SLIT1: variants seen among roughly 807,000 people sequenced by gnomAD.
The protein encoded by SLIT1 is slit homolog 1 protein.
SLIT1 carries 66 observed loss-of-function variants against 186.1 expected under a neutral mutation model. The observed-to-expected ratio is 0.35, with a 90% CI of 0.29 to 0.44. The LOEUF (loss-of-function observed/expected upper bound fraction) is 0.44, where lower values mean the gene tolerates loss of function less well. Among genes scored for constraint, SLIT1 ranks in the 20% least tolerant of loss-of-function variants. The pLI is 1.00. For missense variants in SLIT1, 1,638 were observed against 2,037.4 expected, an observed-to-expected ratio of 0.80 and a Z score of 3.77; for synonymous variants, 761 against 833.8, an observed-to-expected ratio of 0.91 and a Z score of 1.50.
At chr10:97,166,962 CTG>C (rs1349928319) in intron 1 of SLIT1, among the ~76,000 whole-genome samples, 1 of 152,190 alleles carries the variant, frequency 6.6e-6, no homozygotes. Flanking sequence ...CCAGGTCAGG[CTG>C]TCTCAACATT....
intron 13 of SLIT1, among the ~76,000 whole-genome samples, chr10:97,055,757 TCA>T (rs1350792959): frequency 6.6e-6 from 1 of 152,240 alleles, no homozygotes; most frequent in African/African-American, 2.4e-5. Context: ...ATTTTTTTAT[TCA>T]CAGTCACCAT....
In SLIT1 at chr10:97,185,619, C is replaced by A; in HGVS notation, c.56G>T (p.Trp19Leu). The A allele has an allele frequency of 6.4e-7, 1 of 1,560,928 alleles. No individual in the cohort carries two copies. The highest frequency in any genetic ancestry group is 1.2e-5 in the South Asian group (1 of 86,296). Residue 19 changes from tryptophan to leucine, a missense_variant, in exon 1 of 37, where the codon TGG (tryptophan) becomes TTG (leucine). Physicochemically the swap from Trp to Leu is moderately conservative, Grantham distance 61. Coordinates refer to ENST00000266058, the MANE Select transcript of SLIT1 (RefSeq NM_003061.3). ...CCACGCGGCTGCCCACAGCAGCAGC[C>A]AGAGCTCCGGCCGGACCGGCCCCGC... ...SSAGPVRPEL[W>L]LLLWAAAWRL...
chr10:97,066,460 C>A (rs970629750), intron 4 of SLIT1, among the ~76,000 whole-genome samples: 5 of 152,154 alleles, frequency 3.3e-5, no homozygotes, highest in African/African-American at 1.2e-4. Context: ...GAATGGTAAT[C>A]CCCAGTGCTG....
At position 97,164,863 on chromosome 10, in the gene SLIT1, C is replaced by A; in HGVS notation, c.225G>T (p.Arg75=). 6.2e-7 allele frequency: 1 copy of A among 1,613,700 alleles called. No homozygotes were observed. The highest frequency in any genetic ancestry group is 1.1e-5 in the South Asian group (1 of 91,052). ...RLELNGNNIT[R]IHKNDFAGLK... is the part of the protein sequence containing the mutation. Reference sequence around the variant, plus strand: ...GCCCCGCAAAGTCATTCTTATGGATCCGAGTGATGTTGTTGCCATTGAGTT... The same window carrying A: ...GCCCCGCAAAGTCATTCTTATGGATACGAGTGATGTTGTTGCCATTGAGTT... Residue 75 remains arginine, a synonymous_variant, in exon 2 of 37, where the codon CGG becomes CGT. Transcript: ENST00000266058.
chr10:97,037,947 G>A (rs1202880063), intron 21 of SLIT1, among the ~76,000 whole-genome samples, 181 bp from the exon 22 acceptor site: 1 of 152,020 alleles, frequency 6.6e-6, no homozygotes, highest in Non-Finnish European at 1.5e-5. Flanking sequence ...AAGCCATCTG[G>A]GGAGGTGCCA....
intron 4 of SLIT1, among the ~76,000 whole-genome samples, chr10:97,146,566 C>A (rs566934711): frequency 1.3e-5 from 2 of 151,646 alleles, no homozygotes; most frequent in Non-Finnish European, 2.9e-5. Flanking sequence ...CCAGCCCCCC[C>A]CACTGAACAC....
chr10:97,145,248 G>T (rs368675977), intron 4 of SLIT1, among the ~76,000 whole-genome samples: 1 of 152,098 alleles, frequency 6.6e-6, no homozygotes, highest in Non-Finnish European at 1.5e-5. Context: ...CTCCCAAGTA[G>T]CTAGGACTAC....
chr10:97,047,160 C>T lies in SLIT1; in HGVS notation c.1635-95G>A, dbSNP rs1377905861. On this transcript the variant is annotated intron_variant, in intron 16 of 36. Transcript: ENST00000266058. ...ATATTTGGGACTCAAACAGAGAAGA[C>T]TCCCAGAAGAATTTATCTGGCAAAG... 8.6e-6 allele frequency: 7 copies of T among 809,846 alleles called. No individual in the cohort carries two copies. In the Admixed American group the frequency reaches 1.3e-4, roughly 16 times the overall value. 50.2% of individuals were successfully genotyped at this position (809,846 alleles called of 1,614,324 possible). A position where few individuals can be genotyped will look rare whatever the true frequency, so the allele number is the denominator to read the frequency against.
At chr10:97,062,247 G>A (rs1332354071) in intron 8 of SLIT1, among the ~76,000 whole-genome samples, 2 of 151,488 alleles carry the variant, frequency 1.3e-5, no homozygotes, top group African/African-American at 4.9e-5. Context: ...ACACACAGCA[G>A]TGCAGAGCAC....
chr10:97,101,331 GAGC>G lies in SLIT1; in HGVS notation c.414-35248_414-35246del, dbSNP rs201558603. ...CTCACGCCCAGGACAACCTCTCGGG[GAGC>G]AGAAGGCTGTACTTACCTCTCCCCT... On this transcript the variant is annotated intron_variant, in intron 4 of 36. Coordinates refer to ENST00000266058, the MANE Select transcript of SLIT1 (RefSeq NM_003061.3). 45 of 152,332 alleles carry G rather than the reference GAGC, an allele frequency of 3.0e-4. No homozygotes were observed. The East Asian group carries it at 6.4e-3, about 22-fold the overall frequency. The allele number at this position is 152,332 out of a possible 1,614,324, so 9.4% of individuals were successfully genotyped here. A position where few individuals can be genotyped will look rare whatever the true frequency, so the allele number is the denominator to read the frequency against.
At chr10:97,018,304 C>T (rs188901563) in intron 28 of SLIT1, among the ~76,000 whole-genome samples, 211 of 152,382 alleles carry the variant, frequency 1.4e-3, no homozygotes, top group Non-Finnish European at 1.8e-3. Flanking sequence ...GCAGAGCCCA[C>T]TCCAAGCCCT....
chr10:97,139,549 C>A (rs875483), intron 4 of SLIT1, among the ~76,000 whole-genome samples: 73,738 of 151,582 alleles, frequency 0.49, 20,411 homozygotes, highest in South Asian at 0.64. Context: ...GGTACCAAAA[C>A]CCCTGTCAAC....
chr10:97,120,833 C>G (rs543079134), intron 4 of SLIT1, among the ~76,000 whole-genome samples: 12 of 152,366 alleles, frequency 7.9e-5, no homozygotes, highest in African/African-American at 2.6e-4. Flanking sequence ...CTCTGACTCT[C>G]TCTCCCTACC....
chr10:97,020,392 TA>T (rs1268381830), intron 26 of SLIT1, among the ~76,000 whole-genome samples: 1 of 152,128 alleles, frequency 6.6e-6, no homozygotes, highest in Non-Finnish European at 1.5e-5. Context: ...TCGATAAAAA[TA>T]ATAAAACAAA....
chr10:97,031,746 C>A, intron 23 of SLIT1, 69 bp from the exon 24 acceptor site: 1 of 1,298,804 alleles, frequency 7.7e-7, no homozygotes, highest in South Asian at 1.3e-5. Flanking sequence ...AGCCGCCGCC[C>A]AGGACGTGGA....
intron 4 of SLIT1, among the ~76,000 whole-genome samples, chr10:97,105,633 G>A (rs1849406061): frequency 6.6e-6 from 1 of 152,144 alleles, no homozygotes; most frequent in Non-Finnish European, 1.5e-5. Context: ...ATCAAACCGG[G>A]GTCAGAATCT....
chr10:97,075,696 T>C (rs1849039208), intron 4 of SLIT1, among the ~76,000 whole-genome samples: 1 of 152,154 alleles, frequency 6.6e-6, no homozygotes, highest in South Asian at 2.1e-4. Flanking sequence ...TGGCACCTGG[T>C]GGATTGGCAG....
At chr10:97,119,732 GC>G (rs1336316524) in intron 4 of SLIT1, among the ~76,000 whole-genome samples, 1 of 151,458 alleles carries the variant, frequency 6.6e-6, no homozygotes, top group East Asian at 1.9e-4. Context: ...TGTGTTGGCA[GC>G]CAGCGAGGAA....
intron 4 of SLIT1, among the ~76,000 whole-genome samples, chr10:97,119,735 A>G (rs973493685): frequency 4.0e-5 from 6 of 151,372 alleles, no homozygotes; most frequent in Non-Finnish European, 8.8e-5. Context: ...GTTGGCAGCC[A>G]GCGAGGAAGA....
Sources: gnomAD v4.1 joint callset for allele counts (sites outside exome capture counted in the v4.1 genomes callset) on GRCh38, gnomAD v4.1.1 for gene constraint, MANE v1.5 for transcripts, NCBI Gene and HGNC (gene_info 2026-07-23, HGNC 2026-07-21) for gene names.